RASA2: variants seen among roughly 807,000 people sequenced by gnomAD.
The protein encoded by RASA2 is ras GTPase-activating protein 2.
In RASA2, 155 loss-of-function variants were observed where a neutral mutation model predicts 118.2. The observed-to-expected ratio is 1.31, with a 90% CI of 1.15 to 1.50. The LOEUF (loss-of-function observed/expected upper bound fraction) is 1.50, where lower values mean the gene tolerates loss of function less well. Ranked by LOEUF, RASA2 falls within the 40% of genes most tolerant of loss-of-function variation. The pLI is 0.00. For synonymous variants in RASA2, 353 were observed against 349.1 expected (o/e 1.01, Z -0.12); for missense variants, 1,016 against 1,009.6 (o/e 1.01, Z -0.09).
At chr3:141,489,995 G>A (rs2081621352) in intron 1 of RASA2, among the ~76,000 whole-genome samples, 1 of 150,980 alleles carries the variant, frequency 6.6e-6, no homozygotes, top group Non-Finnish European at 1.5e-5. Context: ...GGGGGGCTGG[G>A]GAGGAGGGAA....
At chr3:141,497,541 TATAG>T (rs1185135878) in intron 1 of RASA2, among the ~76,000 whole-genome samples, 1 of 151,992 alleles carries the variant, frequency 6.6e-6, no homozygotes, top group African/African-American at 2.4e-5. Flanking sequence ...TTTTGAGTGC[TATAG>T]AAGAAATAAA....
At chr3:141,511,557 C>T (rs928349764) in intron 1 of RASA2, among the ~76,000 whole-genome samples, 2 of 151,932 alleles carry the variant, frequency 1.3e-5, no homozygotes, top group Admixed American at 1.3e-4. Flanking sequence ...GCTGCCAGGC[C>T]GGGTATGATG....
chr3:141,505,043 CTA>C (rs2081844040), intron 1 of RASA2, among the ~76,000 whole-genome samples: 1 of 152,178 alleles, frequency 6.6e-6, no homozygotes, highest in Non-Finnish European at 1.5e-5. Flanking sequence ...CCCTGCTTCC[CTA>C]TATAAAATAA....
chr3:141,585,292 T>C (rs527396006), intron 17 of RASA2, among the ~76,000 whole-genome samples: 3 of 152,124 alleles, frequency 2.0e-5, no homozygotes, highest in Non-Finnish European at 4.4e-5. Context: ...TAGCACAGTA[T>C]ATGAATACTT....
At chr3:141,583,402 G>T (rs1462130396) in intron 17 of RASA2, among the ~76,000 whole-genome samples, 1 of 152,000 alleles carries the variant, frequency 6.6e-6, no homozygotes, top group Non-Finnish European at 1.5e-5. Context: ...TCCAGCTTGG[G>T]CAACAAGAGC....
At chr3:141,572,524 T>G in intron 11 of RASA2, 85 bp from the exon 12 acceptor site, 1 of 931,954 alleles carries the variant, frequency 1.1e-6, no homozygotes. Context: ...GCTAAATGCT[T>G]CTTTCTTAAA....
chr3:141,487,038 C>T lies in RASA2; in HGVS notation c.-46C>T. On this transcript the variant is annotated 5_prime_UTR_variant, in exon 1 of 24. Coordinates refer to ENST00000286364, the MANE Select transcript of RASA2 (RefSeq NM_006506.5). ...TAGGCCGCTGCTGGGCTCCGCCTCG[C>T]CCGGCTACGCAGGCGGCAGGGCTGC... The T allele has an allele frequency of 8.6e-7, 1 of 1,165,800 alleles. No individual in the cohort carries two copies. The highest frequency in any genetic ancestry group is 1.1e-6 in the Non-Finnish European group (1 of 942,474). The allele number at this position is 1,165,800 out of a possible 1,614,324, so 72.2% of individuals were successfully genotyped here.
rs545073349 is a variant in RASA2, at chr3:141,583,825, T to G, written c.1753-2200T>G. On this transcript the variant is annotated intron_variant, in intron 17 of 23. Transcript: ENST00000286364. Reference sequence around the variant, plus strand: ...CTATCCTTATTGGAATGTGGTTTGTTTTTAAGTCCTAAGCAGAATAATGTA... The same window carrying G: ...CTATCCTTATTGGAATGTGGTTTGTGTTTAAGTCCTAAGCAGAATAATGTA... Among the ~76,000 whole-genome samples the G allele has an allele frequency of 8.5e-5, 13 of 152,310 alleles. No individual in the cohort carries two copies. In the East Asian group the frequency reaches 2.5e-3, roughly 29 times the overall value.
chr3:141,544,575 G>T (rs1560021606), intron 5 of RASA2, among the ~76,000 whole-genome samples: 2 of 151,516 alleles, frequency 1.3e-5, no homozygotes, highest in Non-Finnish European at 2.9e-5. Flanking sequence ...TTTTTATTTT[G>T]GTTATTTATA....
intron 9 of RASA2, among the ~76,000 whole-genome samples, chr3:141,569,471 AATCCTGATAT>A (rs1202826151): frequency 3.9e-5 from 6 of 152,288 alleles, no homozygotes; most frequent in Non-Finnish European, 7.4e-5. Flanking sequence ...GCCTTTCTCT[AATCCTGATAT>A]AGTCTAGAAA....
chr3:141,508,552 T>C (rs1331566682), intron 1 of RASA2, among the ~76,000 whole-genome samples: 1 of 152,026 alleles, frequency 6.6e-6, no homozygotes, highest in Non-Finnish European at 1.5e-5. Flanking sequence ...TAATTTTTTG[T>C]ATTTTTAGTA....
chr3:141,602,996 T>TCC (rs397821198), intron 19 of RASA2, among the ~76,000 whole-genome samples: 1 of 151,914 alleles, frequency 6.6e-6, no homozygotes, highest in Non-Finnish European at 1.5e-5. Flanking sequence ...CCAGTAAAAC[T>TCC]TGTATTTTCA....
intron 3 of RASA2, among the ~76,000 whole-genome samples, chr3:141,521,500 A>G (rs1186490648): frequency 6.6e-6 from 1 of 152,180 alleles, no homozygotes; most frequent in Non-Finnish European, 1.5e-5. Flanking sequence ...TACATGTTAT[A>G]ATCTTAAGGT....
At chr3:141,586,146 TAAGTAAGTACAAAGAGCGTGG>T (rs745322606) in intron 18 of RASA2, 48 bp downstream of exon 18, 1 of 1,492,142 alleles carries the variant, frequency 6.7e-7, no homozygotes, top group Non-Finnish European at 9.3e-7. Flanking sequence ...GTATAGATAT[TAAGTAAGTACAAAGAGCGTGG>T]GTCTAAGAGT....
intron 5 of RASA2, among the ~76,000 whole-genome samples, chr3:141,551,910 T>TG (rs1195130102): frequency 1.3e-5 from 2 of 152,206 alleles, no homozygotes; most frequent in African/African-American, 4.8e-5. Context: ...TTTTCAACAT[T>TG]TGTTTTCTGC....
chr3:141,588,734 T>G (rs2083243612), intron 19 of RASA2, among the ~76,000 whole-genome samples: 2 of 152,134 alleles, frequency 1.3e-5, no homozygotes, highest in African/African-American at 2.4e-5. Flanking sequence ...AGAAACCAAA[T>G]GCATTATACT....
At chr3:141,565,949 C>T (rs933660189) in intron 9 of RASA2, among the ~76,000 whole-genome samples, 15 of 152,212 alleles carry the variant, frequency 9.9e-5, no homozygotes, top group African/African-American at 3.6e-4. Flanking sequence ...ACCATCCCTT[C>T]ATCCTTTAAA....
At chr3:141,537,579 G>A (rs537260842) in intron 4 of RASA2, among the ~76,000 whole-genome samples, 1 of 152,204 alleles carries the variant, frequency 6.6e-6, no homozygotes, top group Non-Finnish European at 1.5e-5. Flanking sequence ...GACCAGCCTG[G>A]CCAACATGGT....
At chr3:141,536,370 C>A (rs1322159333) in intron 4 of RASA2, among the ~76,000 whole-genome samples, 1 of 152,160 alleles carries the variant, frequency 6.6e-6, no homozygotes, top group African/African-American at 2.4e-5. Context: ...TGACCTCCCC[C>A]CGGGTTCCTC....
Sources: allele counts gnomAD v4.1 joint callset (sites outside exome capture counted in the v4.1 genomes callset), GRCh38; gene constraint gnomAD v4.1.1; transcripts MANE v1.5; gene names NCBI Gene and HGNC (gene_info 2026-07-23, HGNC 2026-07-21).